CACNA1C: variants seen among roughly 807,000 people sequenced by gnomAD.
CACNA1C encodes the protein calcium voltage-gated channel subunit alpha1 C, also known as voltage-dependent L-type calcium channel subunit alpha-1C.
CACNA1C carries 30 observed loss-of-function variants against 229.0 expected under a neutral mutation model. The observed-to-expected ratio is 0.13, with a 90% CI of 0.10 to 0.18. The LOEUF is 0.18. Ranked by LOEUF, CACNA1C falls within the 10% of genes least tolerant of loss-of-function variation. The probability of loss-of-function intolerance (pLI) is 1.00; values close to 1 mark genes in which losing one functional copy is unlikely to be tolerated. For synonymous variants in CACNA1C, 1,114 were observed against 1,132.5 expected, an observed-to-expected ratio of 0.98 and a Z score of 0.33; for missense variants, 1,658 against 2,845.0, an observed-to-expected ratio of 0.58 and a Z score of 9.49.
At position 2,613,429 on chromosome 12, in the gene CACNA1C, C is replaced by T. The variant is rs1178027430; in HGVS notation, c.3828+1416C>T. ...CTATCATTTTCCCATGTCAAGTGTT[C>T]TGCGGGTATTTTTTAGCAAGAGGGA... is the stretch of plus-strand genomic sequence containing the variant. On this transcript the variant is annotated intron_variant, in intron 29 of 46. Coordinates refer to ENST00000399655, the MANE Select transcript of CACNA1C (RefSeq NM_000719.7). 6 of 152,152 alleles carry T rather than the reference C, an allele frequency of 3.9e-5. No individual in the cohort carries two copies. The East Asian group carries it at 1.2e-3, about 29-fold the overall frequency. 9.4% of individuals were successfully genotyped at this position (152,152 alleles called of 1,614,324 possible).
intron 3 of CACNA1C, among the ~76,000 whole-genome samples, chr12:2,182,109 ATTGTGTGTGAGT>A (rs1354182981): frequency 1.1e-4 from 14 of 124,108 alleles, no homozygotes; most frequent in African/African-American, 4.0e-4. Context: ...AACTGGGGAG[ATTGTGTGTGAGT>A]TTCTGTCTGC....
chr12:2,004,539 C>A (rs2043001114), intron 1 of CACNA1C: 3 of 1,469,780 alleles, frequency 2.0e-6, no homozygotes, highest in Admixed American at 2.2e-5. Flanking sequence ...ACCACACGGC[C>A]CGGGAGGCCT....
chr12:2,053,294 TC>T lies in CACNA1C; in HGVS notation c.-268del. On this transcript the variant is annotated 5_prime_UTR_variant, in exon 1 of 47. Transcript: ENST00000399655. This position sits in a 1 kb window ranked among gnomAD's most constrained non-coding sequence, Gnocchi z 5.8. ...AGCCGCCGGAGGTGCGGTGCTCAGT[TC>T]TTGGAAGGGGCCCGGATGTACTGAG... is the stretch of plus-strand genomic sequence containing the variant. The T allele has an allele frequency of 8.5e-7, 1 of 1,178,656 alleles. No homozygotes were observed. The highest frequency in any genetic ancestry group is 1.1e-6 in the Non-Finnish European group (1 of 952,050). 73.0% of individuals were successfully genotyped at this position (1,178,656 alleles called of 1,614,324 possible).
chr12:2,484,519 G>T (rs1230044958), intron 5 of CACNA1C, among the ~76,000 whole-genome samples: 2 of 152,186 alleles, frequency 1.3e-5, no homozygotes, highest in Non-Finnish European at 2.9e-5. Context: ...GCAGCCTGCT[G>T]AGCAGCCCTC....
chr12:2,343,902 T>C (rs1283436591), intron 3 of CACNA1C, among the ~76,000 whole-genome samples: 1 of 152,148 alleles, frequency 6.6e-6, no homozygotes, highest in African/African-American at 2.4e-5. Flanking sequence ...ACTGTAAAAG[T>C]GTATTACTTT....
At chr12:1,993,564 C>T (rs1270685599) in intron 1 of CACNA1C, among the ~76,000 whole-genome samples, 1 of 151,814 alleles carries the variant, frequency 6.6e-6, no homozygotes, top group Non-Finnish European at 1.5e-5. Context: ...GACTAATTCC[C>T]ATGTAATGCA....
rs192073978 is a variant in CACNA1C at position 2,054,254 on chromosome 12, C to T, written c.49+643C>T. 1.4e-3 allele frequency among the ~76,000 whole-genome samples: 210 copies of T among 152,274 alleles called. No homozygotes were observed. Among genetic ancestry groups the T allele is most frequent in the African/African-American group, 4.4e-3 (184 of 41,570 alleles). On this transcript the variant is annotated intron_variant, in intron 1 of 46. Coordinates refer to ENST00000399655, the MANE Select transcript of CACNA1C (RefSeq NM_000719.7). This position sits in a 1 kb window ranked among gnomAD's most constrained non-coding sequence, Gnocchi z 5.5. ...CCTTCTTCCTCTCTCCCTCCCTCCT[C>T]CGCCGCTCACCTACACCCACCCACC...
chr12:2,120,261 T>A, intron 2 of CACNA1C, 64 bp from the exon 3 acceptor site: 2 of 844,082 alleles, frequency 2.4e-6, no homozygotes, highest in Non-Finnish European at 4.2e-6. Flanking sequence ...TTAAAAAATA[T>A]GTAGATTATG....
intron 3 of CACNA1C, among the ~76,000 whole-genome samples, chr12:2,209,152 A>T (rs1387973870): frequency 6.6e-6 from 1 of 152,188 alleles, no homozygotes; most frequent in Non-Finnish European, 1.5e-5. Flanking sequence ...TATCAGTAAG[A>T]CGCAGCGAGT....
At chr12:2,301,016 C>A (rs2094516439) in intron 3 of CACNA1C, among the ~76,000 whole-genome samples, 1 of 152,196 alleles carries the variant, frequency 6.6e-6, no homozygotes, top group African/African-American at 2.4e-5. Flanking sequence ...TAACTGGGGT[C>A]ATCTGGGTCT....
At chr12:2,377,127 C>G (rs1594629255) in intron 3 of CACNA1C, among the ~76,000 whole-genome samples, 2 of 152,254 alleles carry the variant, frequency 1.3e-5, no homozygotes, top group East Asian at 3.9e-4. Context: ...GAAGGAAGGG[C>G]TGGGACACGG....
intron 8 of CACNA1C, among the ~76,000 whole-genome samples, chr12:2,505,669 G>T (rs541170189): frequency 4.6e-5 from 7 of 152,272 alleles, no homozygotes; most frequent in African/African-American, 1.7e-4. Context: ...CATGGTAGAA[G>T]TAGCACGTGG....
intron 38 of CACNA1C, among the ~76,000 whole-genome samples, chr12:2,669,409 C>T (rs918598483): frequency 1.3e-5 from 2 of 152,204 alleles, no homozygotes; most frequent in Admixed American, 6.5e-5. Flanking sequence ...CATTCAAAGC[C>T]GTCCTGGGCC....
In CACNA1C at chr12:2,053,758, C is replaced by A; in HGVS notation, c.49+147C>A. The A allele has an allele frequency of 1.2e-6, 1 of 807,058 alleles. No homozygotes were observed. The highest frequency in any genetic ancestry group is 1.6e-6 in the Non-Finnish European group (1 of 615,898). The allele number at this position is 807,058 out of a possible 1,614,324, so 50.0% of individuals were successfully genotyped here. A position where few individuals can be genotyped will look rare whatever the true frequency, so the allele number is the denominator to read the frequency against. Reference sequence around the variant, plus strand: ...GAGGGGCGCCTCCGCCTCGTCGGAGCGCCCGGGAGCCCGGCGGGACCGGGG... The same window carrying A: ...GAGGGGCGCCTCCGCCTCGTCGGAGAGCCCGGGAGCCCGGCGGGACCGGGG... On this transcript the variant is annotated intron_variant, in intron 1 of 46. Coordinates refer to ENST00000399655, the MANE Select transcript of CACNA1C (RefSeq NM_000719.7). The surrounding 1 kb of genome is among the most constrained non-coding windows in gnomAD (Gnocchi z 5.8).
chr12:2,420,530 G>A (rs1189139599), intron 3 of CACNA1C, among the ~76,000 whole-genome samples: 1 of 152,222 alleles, frequency 6.6e-6, no homozygotes, highest in African/African-American at 2.4e-5. Context: ...TTGGGCCAAG[G>A]TGGAAGGAGA....
At chr12:2,418,501 C>T (rs2098939477) in intron 3 of CACNA1C, among the ~76,000 whole-genome samples, 1 of 151,858 alleles carries the variant, frequency 6.6e-6, no homozygotes, top group African/African-American at 2.4e-5. Context: ...GACTGTTGCT[C>T]AGTTAGGCCA....
Position 2,181,405 on chromosome 12 carries a change from A to G in CACNA1C, c.477+60975A>G, listed in dbSNP as rs2096836450. Among the ~76,000 whole-genome samples the G allele has an allele frequency of 1.3e-5, 2 of 152,182 alleles. No individual in the cohort carries two copies. Among genetic ancestry groups the G allele is most frequent in the South Asian group, 4.1e-4 (2 of 4,824 alleles). On this transcript the variant is annotated intron_variant, in intron 3 of 46. Transcript: ENST00000399655. This position sits in a 1 kb window ranked among gnomAD's most constrained non-coding sequence, Gnocchi z 4.0. ...AGGCCTTCAGTGTGGGGACAGAGTTAAGATCAACATGATCACAGCAGACTG... is the reference window on the plus strand; with the variant it reads ...AGGCCTTCAGTGTGGGGACAGAGTTGAGATCAACATGATCACAGCAGACTG...
chr12:2,039,969 C>T lies in CACNA1C; in HGVS notation c.139+68768C>T, dbSNP rs2049801971. On this transcript the variant is annotated intron_variant, in intron 1 of 46. Coordinates refer to the CACNA1C transcript ENST00000682462. ...TATGCAAAGAGGAGATGGAGGATGG[C>T]AGAGACCAATGCATCTACTTGGATG... is the stretch of plus-strand genomic sequence containing the variant. Among the ~76,000 whole-genome samples, 3 of 152,162 alleles carry T rather than the reference C, an allele frequency of 2.0e-5. No individual in the cohort carries two copies. In the South Asian group the frequency reaches 6.2e-4, roughly 32 times the overall value.
chr12:2,283,128 G>T (rs1308101767), intron 3 of CACNA1C, among the ~76,000 whole-genome samples: 2 of 151,902 alleles, frequency 1.3e-5, no homozygotes, highest in African/African-American at 4.8e-5. Flanking sequence ...TAAAATATAG[G>T]TTTGGATGTA....
Sources: allele counts gnomAD v4.1 joint callset (sites outside exome capture counted in the v4.1 genomes callset), GRCh38; gene constraint gnomAD v4.1.1; non-coding constraint Gnocchi (gnomAD v3.1); transcripts MANE v1.5; gene names NCBI Gene and HGNC (gene_info 2026-07-23, HGNC 2026-07-21).